The following SNORC variants were observed in gnomAD, a reference collection of about 807,000 sequenced individuals.
SNORC encodes secondary ossification center associated regulator of chondrocyte maturation, also known as protein SNORC.
In SNORC, 11 loss-of-function variants were observed where a neutral mutation model predicts 9.7. The observed-to-expected ratio is 1.14, with a 90% CI of 0.72 to 1.88. SNORC has a LOEUF of 1.88. Among genes scored for constraint, SNORC ranks in the 40% most tolerant of loss-of-function variants. The pLI, the probability that SNORC is intolerant of heterozygous loss-of-function variation, is 0.00. For synonymous variants in SNORC, 108 were observed against 88.7 expected (o/e 1.22, Z -1.22); for missense variants, 197 against 173.1 (o/e 1.14, Z -0.77).
At chr2:232,866,454 T>C (rs1559178181), upstream of SNORC, among the ~76,000 whole-genome samples, 1 of 152,232 alleles carries the variant, frequency 6.6e-6, no homozygotes, top group Non-Finnish European at 1.5e-5. Flanking sequence ...TACACCCTTC[T>C]TTTGGTAGCT....
At chr2:232,875,562 A>G in intron 1 of SNORC, 1 of 399,748 alleles carries the variant, frequency 2.5e-6, no homozygotes, top group Non-Finnish European at 5.1e-6. Context: ...GCTGGTGAGG[A>G]TACAGGGCGG....
At chr2:232,866,831 A>G (rs1690888721), upstream of SNORC, among the ~76,000 whole-genome samples, 1 of 152,216 alleles carries the variant, frequency 6.6e-6, no homozygotes, top group Admixed American at 6.6e-5. Flanking sequence ...CTCCTGCCTC[A>G]GCCTCCTGAG....
At chr2:232,877,458 A>T, downstream of SNORC, 1 of 724,702 alleles carries the variant, frequency 1.4e-6, no homozygotes, top group Non-Finnish European at 1.7e-6. Flanking sequence ...GAAGGGTTGG[A>T]CAGTTTGGAG....
downstream of SNORC, chr2:232,877,301 G>A: frequency 1.0e-6 from 1 of 985,468 alleles, no homozygotes; most frequent in South Asian, 4.7e-5. Context: ...GAGAGTCGGG[G>A]CGGAGTGAGG....
At chr2:232,874,164 C>A (rs563791267) in intron 1 of SNORC, among the ~76,000 whole-genome samples, 1 of 152,340 alleles carries the variant, frequency 6.6e-6, no homozygotes, top group African/African-American at 2.4e-5. Context: ...CACAAATACT[C>A]CAATGAACTC....
At chr2:232,870,189 G>A, upstream of SNORC, 2 of 685,752 alleles carry the variant, frequency 2.9e-6, no homozygotes, top group Non-Finnish European at 5.2e-6. Flanking sequence ...GAGCGGGGGG[G>A]TGGGGAGGTG....
chr2:232,871,333 T>C (rs1691017390), intron 1 of SNORC, among the ~76,000 whole-genome samples: 1 of 152,112 alleles, frequency 6.6e-6, no homozygotes, highest in Non-Finnish European at 1.5e-5. Flanking sequence ...CGGAGACTAT[T>C]GGCTTCTCCC....
intron 1 of SNORC, among the ~76,000 whole-genome samples, chr2:232,872,737 C>T (rs1265743069): frequency 6.6e-6 from 1 of 152,214 alleles, no homozygotes; most frequent in African/African-American, 2.4e-5. Flanking sequence ...CCAGACAGGA[C>T]TCCTGCTGGG....
In SNORC at chr2:232,876,304, G is replaced by A. The variant is rs373216716; in HGVS notation, c.314G>A (p.Cys105Tyr). 1.9e-6 allele frequency: 3 copies of A among 1,547,086 alleles called. No homozygotes were observed. The highest frequency in any genetic ancestry group is 2.4e-5 in the South Asian group (2 of 84,600). The change falls in exon 3 of 3, where the codon TGC becomes TAC. Residue 105 changes from cysteine (C) to tyrosine (Y), a missense_variant. Cys to Tyr is a radical substitution (Grantham distance 194). Transcript: ENST00000331342. The surrounding 1 kb of genome is among the most constrained non-coding windows in gnomAD (Gnocchi z 6.8). Reference sequence around the variant, plus strand: ...GTGATCGCCGCCCTGCTGGCCACCTGCGTGGTGCTGGCGCTCGTGGTCGTC... The same window carrying A: ...GTGATCGCCGCCCTGCTGGCCACCTACGTGGTGCTGGCGCTCGTGGTCGTC...
At chr2:232,867,965 G>C (rs145291251), upstream of SNORC, among the ~76,000 whole-genome samples, 1,325 of 152,268 alleles carry the variant, frequency 8.7e-3, 35 homozygotes, top group Admixed American at 0.054. Flanking sequence ...CTTCCTTAAA[G>C]ATAAATTGCC....
At chr2:232,873,812 T>A (rs1416397766) in intron 1 of SNORC, among the ~76,000 whole-genome samples, 2 of 152,158 alleles carry the variant, frequency 1.3e-5, no homozygotes, top group Admixed American at 6.5e-5. Flanking sequence ...ATGGGAGGCC[T>A]GGCTGGGTCA....
upstream of SNORC, chr2:232,869,562 G>GT (rs1690947894): frequency 1.3e-5 from 2 of 152,592 alleles, no homozygotes; most frequent in Middle Eastern, 3.4e-3. Flanking sequence ...TTTGGACACT[G>GT]TAAGTTGTAG....
At chr2:232,867,480 A>C (rs1690901861), upstream of SNORC, among the ~76,000 whole-genome samples, 1 of 152,242 alleles carries the variant, frequency 6.6e-6, no homozygotes, top group African/African-American at 2.4e-5. Flanking sequence ...GTAATTTTAG[A>C]CTTTTTGTCT....
chr2:232,867,111 G>A (rs2106184214), upstream of SNORC, among the ~76,000 whole-genome samples: 1 of 152,214 alleles, frequency 6.6e-6, no homozygotes, highest in African/African-American at 2.4e-5. Flanking sequence ...ACACCCTTTG[G>A]AAAATTTAAC....
upstream of SNORC, chr2:232,870,264 C>T (rs1315611811): frequency 3.7e-6 from 5 of 1,356,794 alleles, no homozygotes; most frequent in East Asian, 1.0e-4. Flanking sequence ...CCTTTGATGC[C>T]TCTTTCTCAC....
rs1321209233 is a variant in SNORC, at chr2:232,872,890, C to T, written c.73+2476C>T. On this transcript the variant is annotated intron_variant, in intron 1 of 2. Coordinates refer to ENST00000331342, the Ensembl canonical transcript of SNORC. Reference sequence around the variant, plus strand: ...AAGTGCCTCGGCCCCTCCCTGGCAGCGGCACCCCTTTTCCTGGTGGATCGG... The same window carrying T: ...AAGTGCCTCGGCCCCTCCCTGGCAGTGGCACCCCTTTTCCTGGTGGATCGG... Among the ~76,000 whole-genome samples the T allele has an allele frequency of 3.9e-5, 6 of 152,258 alleles. No homozygotes were observed. In the South Asian group the frequency reaches 6.2e-4, roughly 16 times the overall value.
chr2:232,875,627 C>A, intron 1 of SNORC: 1 of 497,948 alleles, frequency 2.0e-6, no homozygotes, highest in Middle Eastern at 4.7e-4. Flanking sequence ...AGAATGTCTC[C>A]TTTCTGCTCT....
chr2:232,871,653 C>T (rs1009747238), intron 1 of SNORC, among the ~76,000 whole-genome samples: 1 of 152,204 alleles, frequency 6.6e-6, no homozygotes, highest in Non-Finnish European at 1.5e-5. Context: ...GAGGCGCCAG[C>T]CTAGGCGAGC....
chr2:232,871,754 C>A lies in SNORC; in HGVS notation c.73+1340C>A, dbSNP rs371233949. ...ATCCTGGGGCTGTGATCTTTGCAGCCCCCTCACTGGGAAGAAGCTGCTTCT... is the reference window on the plus strand; with the variant it reads ...ATCCTGGGGCTGTGATCTTTGCAGCACCCTCACTGGGAAGAAGCTGCTTCT... On this transcript the variant is annotated intron_variant, in intron 1 of 2. Transcript: ENST00000331342. 7.2e-5 allele frequency among the ~76,000 whole-genome samples: 11 copies of A among 152,328 alleles called. No individual in the cohort carries two copies. The East Asian group carries it at 1.9e-3, about 27-fold the overall frequency.
Sources: gnomAD v4.1 joint callset for allele counts (sites outside exome capture counted in the v4.1 genomes callset) on GRCh38, gnomAD v4.1.1 for gene constraint, Gnocchi (gnomAD v3.1) non-coding constraint, MANE v1.5 for transcripts, NCBI Gene and HGNC (gene_info 2026-07-23, HGNC 2026-07-21) for gene names.